Variants in TYW1 observed in about 807,000 individuals in gnomAD.
TYW1 encodes S-adenosyl-L-methionine-dependent tRNA 4-demethylwyosine synthase TYW1.
TYW1 carries 46 observed loss-of-function variants against 96.2 expected under a neutral mutation model. That is an observed-to-expected ratio of 0.48 (90% CI 0.38 to 0.61). The LOEUF is 0.61. Ranked by LOEUF, TYW1 falls within the 20% of genes least tolerant of loss-of-function variation. The pLI is 0.00. For synonymous variants in TYW1, 274 were observed against 323.0 expected, an observed-to-expected ratio of 0.85 and a Z score of 1.63; for missense variants, 684 against 909.6, an observed-to-expected ratio of 0.75 and a Z score of 3.19.
intron 7 of TYW1, among the ~76,000 whole-genome samples, chr7:67,042,771 TG>T (rs1795073305): frequency 6.6e-6 from 1 of 151,968 alleles, no homozygotes; most frequent in African/African-American, 2.4e-5. Context: ...CTGAGGCTGG[TG>T]GATCACCTGA....
intron 15 of TYW1, among the ~76,000 whole-genome samples, chr7:67,228,337 C>T (rs375219972): frequency 1.3e-5 from 2 of 152,116 alleles, no homozygotes; most frequent in Admixed American, 1.3e-4. Flanking sequence ...AGGGAAACCC[C>T]CCTTCGTAAA....
intron 13 of TYW1, among the ~76,000 whole-genome samples, chr7:67,146,207 C>G (rs1798607475): frequency 6.6e-6 from 1 of 152,086 alleles, no homozygotes; most frequent in Non-Finnish European, 1.5e-5. Flanking sequence ...GAATCTTGCT[C>G]TATTTCTTCA....
At chr7:67,055,470 A>G (rs2115588729) in intron 8 of TYW1, among the ~76,000 whole-genome samples, 1 of 152,098 alleles carries the variant, frequency 6.6e-6, no homozygotes, top group East Asian at 1.9e-4. Context: ...AGGGTGAAGC[A>G]CAACTGTAGT....
intron 13 of TYW1, among the ~76,000 whole-genome samples, chr7:67,171,543 CTTA>C (rs1363355772): frequency 6.6e-6 from 1 of 152,036 alleles, no homozygotes; most frequent in Non-Finnish European, 1.5e-5. Flanking sequence ...GTTCTTTTGT[CTTA>C]TATTATTGGT....
chr7:67,087,515 C>T (rs1160636949), intron 11 of TYW1, among the ~76,000 whole-genome samples: 2 of 152,152 alleles, frequency 1.3e-5, no homozygotes, highest in Non-Finnish European at 2.9e-5. Context: ...CCCAGAAATT[C>T]AACAACTGCC....
chr7:67,061,413 A>G (rs1795692093), intron 9 of TYW1, among the ~76,000 whole-genome samples: 1 of 152,310 alleles, frequency 6.6e-6, no homozygotes, highest in Non-Finnish European at 1.5e-5. Context: ...CAGTTTTTCT[A>G]TAGAGACATA....
At chr7:67,111,481 G>A (rs13246021) in intron 12 of TYW1, among the ~76,000 whole-genome samples, 3 of 152,232 alleles carry the variant, frequency 2.0e-5, no homozygotes, top group Middle Eastern at 3.4e-3. Context: ...GATTACAGGC[G>A]TGAGCCAACA....
At chr7:67,023,816 C>G (rs1207583638) in intron 6 of TYW1, among the ~76,000 whole-genome samples, 2 of 152,082 alleles carry the variant, frequency 1.3e-5, no homozygotes, top group Non-Finnish European at 2.9e-5. Flanking sequence ...ATCTCTCTAA[C>G]GTTTTATTCT....
intron 13 of TYW1, among the ~76,000 whole-genome samples, chr7:67,160,034 C>T (rs953373039): frequency 2.0e-5 from 3 of 152,090 alleles, no homozygotes; most frequent in African/African-American, 7.2e-5. Context: ...GATCTCCTGA[C>T]CTCGTGATCA....
chr7:67,237,097 G>A (rs574773907), intron 15 of TYW1, among the ~76,000 whole-genome samples: 82 of 152,288 alleles, frequency 5.4e-4, no homozygotes, highest in African/African-American at 1.9e-3. Flanking sequence ...TGTTGGCCAA[G>A]CTAGTCTTGA....
chr7:67,149,778 C>G (rs1192786072), intron 13 of TYW1, among the ~76,000 whole-genome samples: 3 of 138,838 alleles, frequency 2.2e-5, no homozygotes, highest in Non-Finnish European at 3.1e-5. Context: ...ATCTATCTCT[C>G]TATGTTAAAA....
chr7:67,177,327 A>G (rs933802218), intron 13 of TYW1, among the ~76,000 whole-genome samples: 4 of 152,008 alleles, frequency 2.6e-5, no homozygotes, highest in Non-Finnish European at 5.9e-5. Context: ...AAAGAGACAC[A>G]AGAAACACTA....
chr7:67,093,135 C>T (rs567611257), intron 11 of TYW1, among the ~76,000 whole-genome samples: 4 of 152,262 alleles, frequency 2.6e-5, no homozygotes, highest in African/African-American at 7.2e-5. Context: ...CACTGCACTC[C>T]AGCCTGGGTG....
chr7:67,172,791 T>C (rs1188828466), intron 13 of TYW1, among the ~76,000 whole-genome samples: 2 of 152,096 alleles, frequency 1.3e-5, no homozygotes, highest in African/African-American at 4.8e-5. Flanking sequence ...TCTTCAGTCT[T>C]TCCTATGTCT....
At chr7:67,153,370 C>T (rs1055036208) in intron 13 of TYW1, among the ~76,000 whole-genome samples, 2 of 152,146 alleles carry the variant, frequency 1.3e-5, no homozygotes, top group African/African-American at 4.8e-5. Flanking sequence ...ACAGGAGAAT[C>T]GCTTGAACAT....
In TYW1 at chr7:67,155,359, T is replaced by C. The variant is rs146177660; in HGVS notation, c.1699-27767T>C. Among the ~76,000 whole-genome samples the C allele has an allele frequency of 4.3e-3, 650 of 152,158 alleles. 3 individuals carry two copies. Among genetic ancestry groups the C allele is most frequent in the African/African-American group, 0.015 (605 of 41,526 alleles). On this transcript the variant is annotated intron_variant, in intron 13 of 15. Coordinates refer to ENST00000359626, the MANE Select transcript of TYW1 (RefSeq NM_018264.4). ...TGCAAGACCTGGTTGTGTAAAAGTG[T>C]GTGGCACCTTTCTCCTCCTTCGCTC...
rs763617585 is a variant in TYW1, at chr7:67,083,481, T to C, written c.1326T>C (p.Pro442=). The C allele has an allele frequency of 5.0e-6, 8 of 1,614,136 alleles. No individual in the cohort carries two copies. The South Asian group carries it at 8.8e-5, about 18-fold the overall frequency. ...GTEWRWKMDQ[P]EMILKEAIEN... is the part of the protein sequence containing the mutation. ...AGTGGCGGTGGAAGATGGACCAGCC[T>C]GAAATGATCTTGAAGGAAGCCATTG... The change falls in exon 11 of 16, where the codon CCT becomes CCC. Residue 442 remains proline, a synonymous_variant. Transcript: ENST00000359626.
At position 67,021,750 on chromosome 7, in the gene TYW1, G is replaced by A. The variant is rs191005956; in HGVS notation, c.862-3150G>A. Among the ~76,000 whole-genome samples, 25 of 152,318 alleles carry A rather than the reference G, an allele frequency of 1.6e-4. 1 individual carries two copies. Among genetic ancestry groups the A allele is most frequent in the African/African-American group, 5.8e-4 (24 of 41,582 alleles). ...AAGTTTCCCAAGGTCACAGAACCAA[G>A]TTAGCAGTTTTGATTTGATTTGATG... On this transcript the variant is annotated intron_variant, in intron 6 of 15. Coordinates refer to ENST00000359626, the MANE Select transcript of TYW1 (RefSeq NM_018264.4).
chr7:67,222,006 T>C (rs1801406844), intron 15 of TYW1, among the ~76,000 whole-genome samples: 1 of 152,050 alleles, frequency 6.6e-6, no homozygotes, highest in Non-Finnish European at 1.5e-5. Flanking sequence ...AAGACCAGCC[T>C]GGCTAAATGG....
Sources: allele counts gnomAD v4.1 joint callset (sites outside exome capture counted in the v4.1 genomes callset), GRCh38; gene constraint gnomAD v4.1.1; transcripts MANE v1.5; gene names NCBI Gene and HGNC (gene_info 2026-07-23, HGNC 2026-07-21).